Variants in BMPR1A observed in about 807,000 individuals in gnomAD.
The protein encoded by BMPR1A is bone morphogenetic protein receptor type-1A.
A neutral mutation model predicts 66.0 loss-of-function variants in BMPR1A; 7 were observed. That is an observed-to-expected ratio of 0.11 (90% confidence interval 0.06 to 0.20). The LOEUF (loss-of-function observed/expected upper bound fraction) is 0.20, where lower values mean the gene tolerates loss of function less well. Ranked by LOEUF, BMPR1A falls within the 10% of genes least tolerant of loss-of-function variation. The pLI, the probability that BMPR1A is intolerant of heterozygous loss-of-function variation, is 1.00. For missense variants in BMPR1A, 408 were observed against 669.1 expected (o/e 0.61, Z 4.31); for synonymous variants, 200 against 229.7 (o/e 0.87, Z 1.17).
At position 86,864,909 on chromosome 10, in the gene BMPR1A, C is replaced by T. The variant is rs1224630832; in HGVS notation, c.-152-10958C>T. Among the ~76,000 whole-genome samples, 7 of 152,252 alleles carry T rather than the reference C, an allele frequency of 4.6e-5. No homozygotes were observed. The South Asian group carries it at 8.3e-4, about 18-fold the overall frequency. On this transcript the variant is annotated intron_variant, in intron 2 of 12. Transcript: ENST00000372037. Reference sequence around the variant, plus strand: ...CTTAATCTCTCCCACTCTAGGTTCCCACGCCGCCCCTAATCCCGCTTGAAG... The same window carrying T: ...CTTAATCTCTCCCACTCTAGGTTCCTACGCCGCCCCTAATCCCGCTTGAAG...
chr10:86,853,760 G>A (rs1842603622), intron 2 of BMPR1A, among the ~76,000 whole-genome samples: 1 of 152,162 alleles, frequency 6.6e-6, no homozygotes, highest in Non-Finnish European at 1.5e-5. Context: ...GGGAGGGAGT[G>A]TGCAAATAGG....
At chr10:86,904,837 TCTAAA>T (rs955105543) in intron 7 of BMPR1A, among the ~76,000 whole-genome samples, 7 of 152,220 alleles carry the variant, frequency 4.6e-5, no homozygotes, top group African/African-American at 9.6e-5. Context: ...TTTTTATAGT[TCTAAA>T]CTAAATACTA....
chr10:86,893,771 G>A (rs1024007200), intron 5 of BMPR1A, among the ~76,000 whole-genome samples: 2 of 150,528 alleles, frequency 1.3e-5, no homozygotes, highest in Non-Finnish European at 3.0e-5. Flanking sequence ...CTGGGCAACA[G>A]AGCGAGACTC....
At chr10:86,867,346 C>G (rs559750833) in intron 2 of BMPR1A, among the ~76,000 whole-genome samples, 1 of 152,334 alleles carries the variant, frequency 6.6e-6, no homozygotes, top group African/African-American at 2.4e-5. Flanking sequence ...CCAAGCATTT[C>G]TAATAAGGAG....
At chr10:86,897,500 T>A (rs922045452) in intron 5 of BMPR1A, among the ~76,000 whole-genome samples, 1 of 152,202 alleles carries the variant, frequency 6.6e-6, no homozygotes, top group Non-Finnish European at 1.5e-5. Context: ...TCATCTGGGA[T>A]TCATGTCAAG....
intron 1 of BMPR1A, among the ~76,000 whole-genome samples, chr10:86,823,895 G>A (rs1156588147): frequency 1.3e-5 from 2 of 152,184 alleles, no homozygotes; most frequent in Non-Finnish European, 2.9e-5. Flanking sequence ...GTAAACGTTA[G>A]TGCTCTTCGG....
At chr10:86,826,110 T>C (rs748832864) in intron 1 of BMPR1A, among the ~76,000 whole-genome samples, 7 of 149,432 alleles carry the variant, frequency 4.7e-5, no homozygotes, top group Non-Finnish European at 7.4e-5. Context: ...CTTTTTTTAT[T>C]CCCCTGAGCC....
chr10:86,776,090 T>C (rs1841344045), intron 1 of BMPR1A, among the ~76,000 whole-genome samples: 1 of 152,226 alleles, frequency 6.6e-6, no homozygotes, highest in Admixed American at 6.5e-5. Flanking sequence ...TCTGTTCCCC[T>C]TCTTAGACTA....
rs71477611 is a variant in BMPR1A at position 86,826,411 on chromosome 10, A to AACACACATACACACAC, written c.-267-12447_-267-12446insTACACACACACACACA. Among the ~76,000 whole-genome samples, 373 of 147,098 alleles carry AACACACATACACACAC rather than the reference A, an allele frequency of 2.5e-3. 1 individual carries two copies. Among genetic ancestry groups the AACACACATACACACAC allele is most frequent in the Non-Finnish European group, 3.4e-3 (228 of 66,506 alleles). On this transcript the variant is annotated intron_variant, in intron 1 of 12. Coordinates refer to ENST00000372037, the MANE Select transcript of BMPR1A (RefSeq NM_004329.3). The stretch of plus-strand genomic sequence containing the variant: ...ATTTGATCCAGAAACCAATCAAGGA[A>AACACACATACACACAC]ACACACACACACACACACACACACA...
intron 7 of BMPR1A, among the ~76,000 whole-genome samples, chr10:86,902,254 T>A (rs1843322347): frequency 6.6e-6 from 1 of 152,228 alleles, no homozygotes; most frequent in Non-Finnish European, 1.5e-5. Context: ...GTATTCATTT[T>A]GGGGGGCCTG....
chr10:86,873,615 A>C (rs1158890435), intron 2 of BMPR1A, among the ~76,000 whole-genome samples: 1 of 152,154 alleles, frequency 6.6e-6, no homozygotes, highest in East Asian at 1.9e-4. Context: ...GGTTTGATTT[A>C]GACAGGTGGA....
intron 1 of BMPR1A, among the ~76,000 whole-genome samples, chr10:86,790,234 T>TATATATATATATGTAA (rs1190481905): frequency 2.1e-5 from 1 of 48,018 alleles, no homozygotes; most frequent in Non-Finnish European, 4.2e-5. Context: ...TATATATATA[T>TATATATATATATGTAA]ATCAAAACCA....
chr10:86,772,270 A>G (rs1008825668), intron 1 of BMPR1A, among the ~76,000 whole-genome samples: 1 of 151,492 alleles, frequency 6.6e-6, no homozygotes. Flanking sequence ...AGCTGGGACT[A>G]CAGGCGTCCT....
intron 6 of BMPR1A, 21 bp downstream of exon 6, chr10:86,899,911 C>CGGA: frequency 6.2e-7 from 1 of 1,611,638 alleles, no homozygotes. Flanking sequence ...CGAGAAAAGT[C>CGGA]GGAGCATGCT....
At chr10:86,824,112 T>TGTGTGTGTGTGTGTGTGTG in intron 1 of BMPR1A, among the ~76,000 whole-genome samples, 5 of 151,850 alleles carry the variant, frequency 3.3e-5, no homozygotes, top group African/African-American at 9.7e-5. Context: ...TGTGTGTGTG[T>TGTGTGTGTGTGTGTGTGTG]TTCTTTCAGT....
chr10:86,764,285 T>G (rs1841128150), intron 1 of BMPR1A, among the ~76,000 whole-genome samples: 1 of 152,196 alleles, frequency 6.6e-6, no homozygotes, highest in African/African-American at 2.4e-5. Context: ...GCTGTTAAAT[T>G]TTGGTGAGGC....
intron 1 of BMPR1A, among the ~76,000 whole-genome samples, chr10:86,830,361 C>T (rs1403811309): frequency 6.6e-6 from 1 of 152,190 alleles, no homozygotes; most frequent in African/African-American, 2.4e-5. Flanking sequence ...AGGAGCCTGG[C>T]TCATTTGGTC....
chr10:86,909,290 A>G (rs931737328), intron 7 of BMPR1A, among the ~76,000 whole-genome samples: 1 of 152,170 alleles, frequency 6.6e-6, no homozygotes, highest in African/African-American at 2.4e-5. Context: ...CAATGTAAGG[A>G]TGCTATTTAG....
intron 1 of BMPR1A, among the ~76,000 whole-genome samples, chr10:86,782,619 A>AT (rs1225748028): frequency 2.0e-5 from 3 of 150,764 alleles, no homozygotes; most frequent in Admixed American, 6.6e-5. Flanking sequence ...AGCTTTTCAT[A>AT]TTTTTTTTGG....
Sources: gnomAD v4.1 joint callset for allele counts (sites outside exome capture counted in the v4.1 genomes callset) on GRCh38, gnomAD v4.1.1 for gene constraint, MANE v1.5 for transcripts, NCBI Gene and HGNC (gene_info 2026-07-23, HGNC 2026-07-21) for gene names.